Variants in KIF3B observed in about 807,000 individuals in gnomAD.
The protein encoded by KIF3B is kinesin family member 3B, also known as kinesin-like protein KIF3B.
Under a neutral mutation model 74.3 loss-of-function variants are expected in KIF3B, and 38 were observed. The ratio of observed to expected loss-of-function variants is 0.51; its 90% CI spans 0.39 to 0.67. The LOEUF (loss-of-function observed/expected upper bound fraction) is 0.67, where lower values mean the gene tolerates loss of function less well. KIF3B is among the 30% of genes least tolerant of loss of function. KIF3B has a pLI of 0.00. For synonymous variants in KIF3B, 326 were observed against 342.5 expected, an observed-to-expected ratio of 0.95 and a Z score of 0.53; for missense variants, 649 against 932.0, an observed-to-expected ratio of 0.70 and a Z score of 3.95.
rs895432033 is a variant in KIF3B at position 32,334,901 on chromosome 20, A to G, written c.*3582A>G. 1.3e-5 allele frequency: 2 copies of G among 152,562 alleles called. No homozygotes were observed. The highest frequency in any genetic ancestry group is 4.8e-5 in the African/African-American group (2 of 41,428). The allele number at this position is 152,562 out of a possible 1,614,324, so 9.5% of individuals were successfully genotyped here. On this transcript the variant is annotated 3_prime_UTR_variant, in exon 9 of 9. Coordinates refer to ENST00000375712, the MANE Select transcript of KIF3B (RefSeq NM_004798.4). ...TACGCCAATCAATACTTGGGGCTCT[A>G]AGTTTTACAATTGATATTTATTTGT...
chr20:32,306,238 C>T (rs1340761021), intron 1 of KIF3B, among the ~76,000 whole-genome samples: 3 of 149,662 alleles, frequency 2.0e-5, no homozygotes, highest in South Asian at 2.1e-4. Flanking sequence ...ACTAAATATA[C>T]GAAAAAGATT....
intron 5 of KIF3B, among the ~76,000 whole-genome samples, chr20:32,322,793 TATATATATTTATATATATTTA>T (rs2047873796): frequency 5.1e-5 from 3 of 59,058 alleles, no homozygotes; most frequent in Admixed American, 6.9e-4. Flanking sequence ...TATATATTTA[TATATATATTTATATATATTTA>T]TATATATTTA....
chr20:32,310,215 G>C lies in KIF3B; in HGVS notation c.438G>C (p.Glu146Asp). 1 of 1,613,894 alleles carries C rather than the reference G, an allele frequency of 6.2e-7. No homozygotes were observed. The highest frequency in any genetic ancestry group is 8.5e-7 in the Non-Finnish European group (1 of 1,179,828). The change falls in exon 2 of 9, where the codon GAG becomes GAC. Residue 146 changes from glutamate (E) to aspartate (D), a missense_variant. Glu to Asp is a conservative substitution (Grantham distance 45). Coordinates refer to ENST00000375712, the MANE Select transcript of KIF3B (RefSeq NM_004798.4). This position sits in a 1 kb window ranked among gnomAD's most constrained non-coding sequence, Gnocchi z 6.5. ...ACCTGGTCAGGGCTTCTTACTTAGA[G>C]ATCTACCAGGAGGAGATCCGAGATT... ...QQYLVRASYLEIYQEEIRDLL... is the reference protein window; with the variant it reads ...QQYLVRASYLDIYQEEIRDLL...
intron 2 of KIF3B, among the ~76,000 whole-genome samples, chr20:32,315,235 G>A (rs1569203286): frequency 6.6e-6 from 1 of 152,138 alleles, no homozygotes. Flanking sequence ...GTGGTTCCCC[G>A]AACTTCTCAG....
intron 1 of KIF3B, among the ~76,000 whole-genome samples, chr20:32,284,510 T>C (rs1309189065): frequency 1.3e-5 from 2 of 152,074 alleles, no homozygotes; most frequent in Non-Finnish European, 2.9e-5. Context: ...GAATCTAGGC[T>C]GGGTGTAGTG....
At chr20:32,316,142 C>A in intron 2 of KIF3B, 76 bp from the exon 3 acceptor site, 1 of 884,362 alleles carries the variant, frequency 1.1e-6, no homozygotes, top group South Asian at 1.4e-5. Flanking sequence ...CTTTATCTTT[C>A]ACAGGCTCCC....
chr20:32,316,348 T>C (rs1462269088), intron 3 of KIF3B, 29 bp downstream of exon 3: 1 of 1,556,216 alleles, frequency 6.4e-7, no homozygotes. Context: ...TCAGGGAGAA[T>C]GGGTGAGGTA....
intron 1 of KIF3B, among the ~76,000 whole-genome samples, chr20:32,309,492 T>C (rs2047788924): frequency 6.6e-6 from 1 of 152,024 alleles, no homozygotes; most frequent in South Asian, 2.1e-4. Flanking sequence ...CAGATATTGA[T>C]TGAGAGGAGG....
chr20:32,293,185 T>C (rs1403862293), intron 1 of KIF3B, among the ~76,000 whole-genome samples: 4 of 151,870 alleles, frequency 2.6e-5, no homozygotes, highest in African/African-American at 9.7e-5. Context: ...CCCCAGGAGG[T>C]TGACGTTGCA....
In KIF3B at chr20:32,334,916, T is replaced by A. The variant is rs1294128681; in HGVS notation, c.*3597T>A. The A allele has an allele frequency of 6.6e-6, 1 of 152,658 alleles. No individual in the cohort carries two copies. 9.5% of individuals were successfully genotyped at this position (152,658 alleles called of 1,614,324 possible). On this transcript the variant is annotated 3_prime_UTR_variant, in exon 9 of 9. Transcript: ENST00000375712. ...TTGGGGCTCTAAGTTTTACAATTGA[T>A]ATTTATTTGTATCATCTCTTTGTCT...
At chr20:32,283,434 G>T (rs1227510226) in intron 1 of KIF3B, among the ~76,000 whole-genome samples, 1 of 151,812 alleles carries the variant, frequency 6.6e-6, no homozygotes, top group Non-Finnish European at 1.5e-5. Context: ...AACCCGGGAG[G>T]TGGTGGTTGC....
chr20:32,306,881 C>T (rs1444433426), intron 1 of KIF3B, among the ~76,000 whole-genome samples: 1 of 152,038 alleles, frequency 6.6e-6, no homozygotes, highest in Non-Finnish European at 1.5e-5. Flanking sequence ...GCGTGAGCCA[C>T]CACGCTCAGC....
intron 1 of KIF3B, among the ~76,000 whole-genome samples, chr20:32,300,152 G>T (rs2047736619): frequency 6.6e-6 from 1 of 151,746 alleles, no homozygotes; most frequent in African/African-American, 2.4e-5. Context: ...ACCCAGGTTG[G>T]AGTGCAGTAG....
Position 32,334,332 on chromosome 20 carries a change from A to G in KIF3B, c.*3013A>G, listed in dbSNP as rs953593993. On this transcript the variant is annotated 3_prime_UTR_variant, in exon 9 of 9. Transcript: ENST00000375712. ...CCTAACGCTGGATTATTTCCCGTCCAATGCCTGCATGCTGCTTGAATTGCT... is the reference window on the plus strand; with the variant it reads ...CCTAACGCTGGATTATTTCCCGTCCGATGCCTGCATGCTGCTTGAATTGCT... 15 of 152,678 alleles carry G rather than the reference A, an allele frequency of 9.8e-5. No individual in the cohort carries two copies. The highest frequency in any genetic ancestry group is 3.6e-4 in the African/African-American group (15 of 41,530). 9.5% of individuals were successfully genotyped at this position (152,678 alleles called of 1,614,324 possible). A position where few individuals can be genotyped will look rare whatever the true frequency, so the allele number is the denominator to read the frequency against.
Position 32,333,632 on chromosome 20 carries a change from C to CAAAAAAAAAAAAAAAAAAAA in KIF3B, c.*2320_*2339dup, listed in dbSNP as rs71187110. On this transcript the variant is annotated 3_prime_UTR_variant, in exon 9 of 9. Coordinates refer to ENST00000375712, the MANE Select transcript of KIF3B (RefSeq NM_004798.4). The stretch of plus-strand genomic sequence containing the variant: ...TGGGTGACAGAGTGAGACTCCCCCT[C>CAAAAAAAAAAAAAAAAAAAA]AAAAAAAAAAAAAAAAAAAAAAAAA... 4 of 33,802 alleles carry CAAAAAAAAAAAAAAAAAAAA rather than the reference C, an allele frequency of 1.2e-4. 1 individual carries two copies. The highest frequency in any genetic ancestry group is 1.8e-4 in the African/African-American group (2 of 11,056). 2.1% of individuals were successfully genotyped at this position (33,802 alleles called of 1,614,324 possible).
chr20:32,322,263 G>A (rs980346261), intron 5 of KIF3B, among the ~76,000 whole-genome samples: 1 of 151,706 alleles, frequency 6.6e-6, no homozygotes, highest in Non-Finnish European at 1.5e-5. Flanking sequence ...TGGGTGCTAT[G>A]GTATATGACA....
chr20:32,296,776 A>G (rs1250830576), intron 1 of KIF3B, among the ~76,000 whole-genome samples: 1 of 152,164 alleles, frequency 6.6e-6, no homozygotes, highest in Non-Finnish European at 1.5e-5. Context: ...CTCAATATGT[A>G]TAAAACGTCT....
intron 1 of KIF3B, among the ~76,000 whole-genome samples, chr20:32,289,197 G>GT (rs36069389): frequency 0.022 from 2,761 of 126,852 alleles, 78 homozygotes; most frequent in Admixed American, 0.082. Flanking sequence ...TACTGGTCTG[G>GT]TTTTTTTTTT....
intron 5 of KIF3B, among the ~76,000 whole-genome samples, chr20:32,317,198 C>T (rs1178078937): frequency 1.3e-5 from 2 of 152,078 alleles, no homozygotes; most frequent in Non-Finnish European, 2.9e-5. Flanking sequence ...TATCGTGCCA[C>T]TGCACTCCAG....
Sources: allele counts gnomAD v4.1 joint callset (sites outside exome capture counted in the v4.1 genomes callset), GRCh38; gene constraint gnomAD v4.1.1; non-coding constraint Gnocchi (gnomAD v3.1); transcripts MANE v1.5; gene names NCBI Gene and HGNC (gene_info 2026-07-23, HGNC 2026-07-21).